The following SUCLG2 variants were observed in gnomAD, a reference collection of about 807,000 sequenced individuals.
SUCLG2 encodes succinate--CoA ligase [GDP-forming] subunit beta, mitochondrial.
SUCLG2 carries 42 observed loss-of-function variants against 47.9 expected under a neutral mutation model. That is an observed-to-expected ratio of 0.88 (90% CI 0.69 to 1.14). The LOEUF (loss-of-function observed/expected upper bound fraction) is 1.14, where lower values mean the gene tolerates loss of function less well. Ranked by LOEUF, SUCLG2 falls within the 50% of genes most tolerant of loss-of-function variation. SUCLG2 has a pLI of 0.00. For missense variants in SUCLG2, 571 were observed against 525.9 expected (o/e 1.09, Z -0.84); for synonymous variants, 195 against 197.3 (o/e 0.99, Z 0.10).
intron 1 of SUCLG2, among the ~76,000 whole-genome samples, chr3:67,653,100 A>G (rs1042461268): frequency 6.6e-6 from 1 of 152,176 alleles, no homozygotes; most frequent in Admixed American, 6.5e-5. Flanking sequence ...TAGGCTTCAC[A>G]TATTTCAGCT....
intron 9 of SUCLG2, among the ~76,000 whole-genome samples, chr3:67,489,627 C>T (rs1171602349): frequency 6.6e-5 from 10 of 152,322 alleles, no homozygotes; most frequent in African/African-American, 2.2e-4. Flanking sequence ...GTATTGAGCA[C>T]TATATTCGAA....
At chr3:67,507,083 A>G (rs555957509) in intron 7 of SUCLG2, among the ~76,000 whole-genome samples, 76 of 152,330 alleles carry the variant, frequency 5.0e-4, no homozygotes, top group African/African-American at 1.6e-3. Context: ...GTGGTAAACA[A>G]TATGAAAGAA....
chr3:67,626,703 A>G (rs1700835877), intron 1 of SUCLG2, among the ~76,000 whole-genome samples: 1 of 152,140 alleles, frequency 6.6e-6, no homozygotes, highest in South Asian at 2.1e-4. Context: ...TCACGAGGTC[A>G]GGACATCGAG....
chr3:67,451,034 C>G (rs1704045459), intron 9 of SUCLG2, among the ~76,000 whole-genome samples: 1 of 152,188 alleles, frequency 6.6e-6, no homozygotes, highest in African/African-American at 2.4e-5. Context: ...TAAAACAGTT[C>G]TATGAGGAAG....
At chr3:67,462,575 C>T (rs900143212) in intron 9 of SUCLG2, among the ~76,000 whole-genome samples, 4 of 152,178 alleles carry the variant, frequency 2.6e-5, no homozygotes, top group East Asian at 1.9e-4. Context: ...GGGCTAGAGG[C>T]TCTGAGCCCC....
At chr3:67,399,366 T>C (rs1318280712) in intron 10 of SUCLG2, among the ~76,000 whole-genome samples, 1 of 152,164 alleles carries the variant, frequency 6.6e-6, no homozygotes, top group Non-Finnish European at 1.5e-5. Flanking sequence ...TTCCATGAAA[T>C]GCTGTTTCTT....
In SUCLG2 at chr3:67,556,555, G is replaced by A. The variant is rs541263705; in HGVS notation, c.227-27369C>T. On this transcript the variant is annotated intron_variant, in intron 2 of 10. Coordinates refer to ENST00000307227, the MANE Select transcript of SUCLG2 (RefSeq NM_003848.4). ...CAAGGCTCTATTATTCAGGAAGAGCGGGAGCCCTGAGAGACAGCTAGTGGT... is the reference window on the plus strand; with the variant it reads ...CAAGGCTCTATTATTCAGGAAGAGCAGGAGCCCTGAGAGACAGCTAGTGGT... Among the ~76,000 whole-genome samples the A allele has an allele frequency of 8.5e-5, 13 of 152,250 alleles. No homozygotes were observed. In the East Asian group the frequency reaches 1.9e-3, roughly 23 times the overall value.
chr3:67,520,190 T>C (rs1333776848), intron 5 of SUCLG2, among the ~76,000 whole-genome samples: 1 of 152,166 alleles, frequency 6.6e-6, no homozygotes, highest in East Asian at 1.9e-4. Context: ...CCTCTCCCAT[T>C]GGTTAATTCT....
At chr3:67,386,120 G>A (rs564525499) in intron 10 of SUCLG2, among the ~76,000 whole-genome samples, 6 of 152,166 alleles carry the variant, frequency 3.9e-5, no homozygotes, top group South Asian at 2.1e-4. Flanking sequence ...ACGGAGTCTC[G>A]CTCTGTCACC....
intron 2 of SUCLG2, among the ~76,000 whole-genome samples, chr3:67,540,774 G>A (rs932482239): frequency 5.3e-5 from 8 of 152,156 alleles, no homozygotes; most frequent in Non-Finnish European, 7.4e-5. Flanking sequence ...AGCAGGGGTC[G>A]ACAGACACCT....
chr3:67,569,923 C>T (rs1243112419), intron 2 of SUCLG2, among the ~76,000 whole-genome samples: 1 of 152,092 alleles, frequency 6.6e-6, no homozygotes, highest in Non-Finnish European at 1.5e-5. Context: ...TTGTAAACCT[C>T]CCTAAATTCA....
chr3:67,597,619 G>A (rs143134009), intron 2 of SUCLG2, among the ~76,000 whole-genome samples: 1 of 152,222 alleles, frequency 6.6e-6, no homozygotes, highest in East Asian at 1.9e-4. Flanking sequence ...TTTAAAAGCT[G>A]CAAGAATTGA....
chr3:67,654,463 C>T (rs1701349492), intron 1 of SUCLG2, 40 bp downstream of exon 1: 3 of 1,225,424 alleles, frequency 2.4e-6, no homozygotes, highest in Non-Finnish European at 3.1e-6. Flanking sequence ...GGCAGGCCGG[C>T]GCCGCTGCTG....
At chr3:67,537,377 T>A (rs551973113) in intron 2 of SUCLG2, among the ~76,000 whole-genome samples, 3 of 152,320 alleles carry the variant, frequency 2.0e-5, no homozygotes, top group East Asian at 3.9e-4. Context: ...GCTTCATCCA[T>A]GTCCCTGAAA....
intron 9 of SUCLG2, among the ~76,000 whole-genome samples, chr3:67,428,780 T>C (rs947582265): frequency 9.2e-5 from 14 of 152,120 alleles, no homozygotes; most frequent in Non-Finnish European, 1.8e-4. Flanking sequence ...CTGAAAACCA[T>C]GGCATGAGAA....
At chr3:67,567,974 C>G (rs564287866) in intron 2 of SUCLG2, among the ~76,000 whole-genome samples, 2 of 152,126 alleles carry the variant, frequency 1.3e-5, no homozygotes, top group Non-Finnish European at 2.9e-5. Flanking sequence ...GAAAAAGATA[C>G]GCACTGATCA....
intron 1 of SUCLG2, among the ~76,000 whole-genome samples, chr3:67,626,410 TAGGGTACACGGGCCCAAG>T (rs1700830367): frequency 6.6e-6 from 1 of 151,796 alleles, no homozygotes; most frequent in South Asian, 2.1e-4. Flanking sequence ...ACAGCAATTG[TAGGGTACACGGGCCCAAG>T]AGATGAAATA....
intron 9 of SUCLG2, among the ~76,000 whole-genome samples, chr3:67,449,673 T>C (rs1704007046): frequency 6.6e-6 from 1 of 152,152 alleles, no homozygotes; most frequent in South Asian, 2.1e-4. Context: ...TGGGGTGCAG[T>C]GGCGTGACCT....
intron 4 of SUCLG2, among the ~76,000 whole-genome samples, chr3:67,523,486 T>C (rs574923591): frequency 3.3e-4 from 50 of 152,288 alleles, no homozygotes; most frequent in Middle Eastern, 3.4e-3. Flanking sequence ...TTCAGGTTGC[T>C]TGAAACCGTA....
Sources: allele counts gnomAD v4.1 joint callset (sites outside exome capture counted in the v4.1 genomes callset), GRCh38; gene constraint gnomAD v4.1.1; transcripts MANE v1.5; gene names NCBI Gene and HGNC (gene_info 2026-07-23, HGNC 2026-07-21).